FAM171A1: variants seen among roughly 807,000 people sequenced by gnomAD.
The protein encoded by FAM171A1 is protein FAM171A1.
A neutral mutation model predicts 74.9 loss-of-function variants in FAM171A1; 23 were observed. That is an observed-to-expected ratio of 0.31 (90% confidence interval 0.22 to 0.44). FAM171A1 has a LOEUF of 0.44. Ranked by LOEUF, FAM171A1 falls within the 20% of genes least tolerant of loss-of-function variation. The pLI is 1.00. For missense variants in FAM171A1, 1,162 were observed against 1,159.2 expected, an observed-to-expected ratio of 1.00 and a Z score of -0.03; for synonymous variants, 527 against 505.7, an observed-to-expected ratio of 1.04 and a Z score of -0.57.
intron 1 of FAM171A1, among the ~76,000 whole-genome samples, chr10:15,328,981 C>T (rs936799528): frequency 5.3e-5 from 8 of 152,150 alleles, no homozygotes; most frequent in Non-Finnish European, 1.0e-4. Flanking sequence ...TGTGGCTCAG[C>T]GGTTAAGTAA....
At chr10:15,246,779 C>G (rs1315527993) in intron 5 of FAM171A1, among the ~76,000 whole-genome samples, 1 of 152,186 alleles carries the variant, frequency 6.6e-6, no homozygotes, top group Non-Finnish European at 1.5e-5. Context: ...CGCCTTGCCT[C>G]CCAAAGTGCT....
intron 1 of FAM171A1, among the ~76,000 whole-genome samples, chr10:15,370,284 T>G (rs1175233455): frequency 1.3e-5 from 2 of 148,610 alleles, no homozygotes; most frequent in Non-Finnish European, 1.5e-5. Flanking sequence ...GGCCTCCCAG[T>G]TCAATTCTTT....
chr10:15,264,616 T>A (rs934133851), intron 3 of FAM171A1, among the ~76,000 whole-genome samples: 1 of 145,500 alleles, frequency 6.9e-6, no homozygotes, highest in Non-Finnish European at 1.5e-5. Flanking sequence ...GAAACCCTGT[T>A]TCTACAAAAA....
intron 2 of FAM171A1, among the ~76,000 whole-genome samples, chr10:15,276,401 G>A (rs953042028): frequency 2.0e-5 from 3 of 152,248 alleles, no homozygotes; most frequent in Admixed American, 6.5e-5. Context: ...AGCTGGTCTC[G>A]AACTCCTGAC....
At chr10:15,247,549 T>C (rs1834450825) in intron 5 of FAM171A1, among the ~76,000 whole-genome samples, 1 of 152,178 alleles carries the variant, frequency 6.6e-6, no homozygotes, top group East Asian at 1.9e-4. Flanking sequence ...CTGTATAGTC[T>C]ACTCTCAGTG....
intron 1 of FAM171A1, among the ~76,000 whole-genome samples, chr10:15,336,039 G>T (rs902552786): frequency 6.6e-6 from 1 of 152,098 alleles, no homozygotes; most frequent in African/African-American, 2.4e-5. Context: ...AATACAGCAT[G>T]TGGTGTCAGA....
intron 1 of FAM171A1, among the ~76,000 whole-genome samples, chr10:15,303,392 C>T (rs1344156619): frequency 2.0e-5 from 3 of 151,970 alleles, no homozygotes; most frequent in Non-Finnish European, 4.4e-5. Context: ...GATTTTTTTC[C>T]GTAGTGAACA....
intron 1 of FAM171A1, among the ~76,000 whole-genome samples, chr10:15,359,844 G>C (rs992653991): frequency 3.9e-5 from 6 of 152,184 alleles, no homozygotes; most frequent in African/African-American, 1.4e-4. Context: ...GGTCAGAAAG[G>C]CTTCTGGCCA....
chr10:15,299,335 G>A (rs1047180824), intron 1 of FAM171A1, among the ~76,000 whole-genome samples: 3 of 152,190 alleles, frequency 2.0e-5, no homozygotes, highest in Non-Finnish European at 2.9e-5. Flanking sequence ...TGAAATTAAT[G>A]TACACACCTT....
chr10:15,315,334 G>C (rs60992695), intron 1 of FAM171A1, among the ~76,000 whole-genome samples: 2,125 of 152,288 alleles, frequency 0.014, 59 homozygotes, highest in East Asian at 0.086. Context: ...AACGGGTCAA[G>C]TATTAACATC....
At chr10:15,330,464 AG>A (rs1356802149) in intron 1 of FAM171A1, among the ~76,000 whole-genome samples, 1 of 152,194 alleles carries the variant, frequency 6.6e-6, no homozygotes, top group Non-Finnish European at 1.5e-5. Context: ...GTGACAGTCA[AG>A]GGCAGAGAGA....
chr10:15,363,342 C>T (rs536543090), intron 1 of FAM171A1, among the ~76,000 whole-genome samples: 1 of 152,200 alleles, frequency 6.6e-6, no homozygotes, highest in Admixed American at 6.5e-5. Context: ...GTTGAAAGGA[C>T]AAATTAAAAC....
intron 1 of FAM171A1, among the ~76,000 whole-genome samples, chr10:15,306,369 CTT>C (rs879453444): frequency 5.5e-5 from 8 of 145,058 alleles, no homozygotes; most frequent in Non-Finnish European, 3.0e-5. Context: ...ATTAGCCATT[CTT>C]TTTTTTTTTT....
intron 1 of FAM171A1, among the ~76,000 whole-genome samples, chr10:15,355,137 T>C (rs141027076): frequency 2.1e-3 from 325 of 152,346 alleles, no homozygotes; most frequent in Non-Finnish European, 3.8e-3. Flanking sequence ...TCCAGGCAAG[T>C]GCAGTGGCAG....
At chr10:15,361,559 T>C (rs768265442) in intron 1 of FAM171A1, among the ~76,000 whole-genome samples, 2 of 152,178 alleles carry the variant, frequency 1.3e-5, no homozygotes. Context: ...GGTGTGCACC[T>C]GTAGTCCCAG....
At chr10:15,292,588 C>T (rs1368412938) in intron 1 of FAM171A1, among the ~76,000 whole-genome samples, 1 of 152,146 alleles carries the variant, frequency 6.6e-6, no homozygotes, top group Non-Finnish European at 1.5e-5. Context: ...TCAAGTGATC[C>T]TCCCACCTCA....
At chr10:15,372,228 C>T (rs1469501459), upstream of FAM171A1, among the ~76,000 whole-genome samples, 1 of 152,162 alleles carries the variant, frequency 6.6e-6, no homozygotes, top group Non-Finnish European at 1.5e-5. Flanking sequence ...CTTTGTCCAT[C>T]TTCACAATAC....
chr10:15,228,672 G>C (rs1330675255), intron 5 of FAM171A1, among the ~76,000 whole-genome samples: 2 of 152,210 alleles, frequency 1.3e-5, no homozygotes, highest in Admixed American at 1.3e-4. Flanking sequence ...GCTGAGATTT[G>C]TTAGCATGTC....
upstream of FAM171A1, among the ~76,000 whole-genome samples, chr10:15,372,291 G>A (rs971611617): frequency 2.6e-5 from 4 of 152,110 alleles, no homozygotes; most frequent in African/African-American, 9.7e-5. Context: ...TGAGAAAAGA[G>A]GCTAAAGAGG....
Sources: gnomAD v4.1 joint callset for allele counts (sites outside exome capture counted in the v4.1 genomes callset) on GRCh38, gnomAD v4.1.1 for gene constraint, MANE v1.5 for transcripts, NCBI Gene and HGNC (gene_info 2026-07-23, HGNC 2026-07-21) for gene names.